The following MUC5AC variants were observed in gnomAD, a reference collection of about 807,000 sequenced individuals.
MUC5AC encodes mucin 5AC, oligomeric mucus/gel-forming.
Under a neutral mutation model 169.7 loss-of-function variants are expected in MUC5AC, and 158 were observed. The observed-to-expected ratio is 0.93, with a 90% CI of 0.82 to 1.06. The LOEUF (loss-of-function observed/expected upper bound fraction) is 1.06. Among genes scored for constraint, MUC5AC ranks in the 50% least tolerant of loss-of-function variants. The pLI, the probability that MUC5AC is intolerant of heterozygous loss-of-function variation, is 0.00. For missense variants in MUC5AC, 4,359 were observed against 3,089.9 expected (o/e 1.41, Z -9.74); for synonymous variants, 1,975 against 1,237.0 (o/e 1.60, Z -12.52).
intron 6 of MUC5AC, among the ~76,000 whole-genome samples, chr11:1,163,654 T>C: frequency 6.6e-6 from 1 of 152,130 alleles, no homozygotes; most frequent in East Asian, 1.9e-4. Context: ...ACCAACCTCC[T>C]GGGCTGTTTC....
chr11:1,159,719 GTGC>G (rs1860076579), intron 1 of MUC5AC, among the ~76,000 whole-genome samples: 1 of 139,496 alleles, frequency 7.2e-6, no homozygotes, highest in Admixed American at 7.1e-5. Flanking sequence ...GTGTGGGGCT[GTGC>G]GGGGCTGGGG....
chr11:1,172,850 C>T (rs1261264688), intron 16 of MUC5AC, among the ~76,000 whole-genome samples: 1 of 141,922 alleles, frequency 7.0e-6, no homozygotes, highest in East Asian at 2.3e-4. Flanking sequence ...ACCCACTCAT[C>T]CACCCATTCA....
intron 9 of MUC5AC, 137 bp downstream of exon 9, chr11:1,164,669 G>C (rs1223150719): frequency 7.8e-7 from 1 of 1,289,796 alleles, no homozygotes; most frequent in African/African-American, 1.5e-5. Flanking sequence ...CCCTGTCCTG[G>C]GCCGCTGAGG....
At chr11:1,198,462 C>T (rs570937135) in intron 43 of MUC5AC, among the ~76,000 whole-genome samples, 157 bp downstream of exon 43, 6 of 152,204 alleles carry the variant, frequency 3.9e-5, no homozygotes, top group East Asian at 3.9e-4. Flanking sequence ...GGCTGAGGCC[C>T]GAGGTCGGCC....
chr11:1,190,541 C>A lies in MUC5AC; in HGVS notation c.12396C>A (p.Ala4132=). The A allele has an allele frequency of 1.6e-6, 1 of 633,964 alleles. No individual in the cohort carries two copies. The highest frequency in any genetic ancestry group is 2.9e-6 in the Non-Finnish European group (1 of 343,718). The allele number at this position is 633,964 out of a possible 1,614,324, so 39.3% of individuals were successfully genotyped here. Residue 4132 remains alanine (A), a synonymous_variant, in exon 31 of 49, where the codon GCC becomes GCA. Coordinates refer to ENST00000621226, the MANE Select transcript of MUC5AC (RefSeq NM_001304359.2). ...CCCCTACAACCAGCACAACCTCTGC[C>A]CCTACAACCAGCACGACCTCAGCTC... ...TSAPTTSTTS[A]PTTSTTSAPT... is the part of the protein sequence containing the mutation.
intron 36 of MUC5AC, among the ~76,000 whole-genome samples, chr11:1,195,517 T>C (rs1269063042): frequency 1.3e-5 from 2 of 150,914 alleles, no homozygotes; most frequent in Non-Finnish European, 3.0e-5. Flanking sequence ...TGCCAAGGGG[T>C]CACCAGGGTT....
chr11:1,188,349 C>T lies in MUC5AC; in HGVS notation c.10204C>T (p.Pro3402Ser). Residue 3402 changes from proline (P) to serine (S), a missense_variant, in exon 31 of 49, where the codon CCA becomes TCA. Transcript: ENST00000621226. ...CCCTACAACCAGCACAACCTCCACT[C>T]CACAGACCAGCATATCCTCTGCCCC... ...SAPTTSTTST[P>S]QTSISSAPTS... 1 of 650,108 alleles carries T rather than the reference C, an allele frequency of 1.5e-6. No homozygotes were observed. The highest frequency in any genetic ancestry group is 2.1e-5 in the Admixed American group (1 of 47,670). The allele number at this position is 650,108 out of a possible 1,614,324, so 40.3% of individuals were successfully genotyped here. A position where few individuals can be genotyped will look rare whatever the true frequency, so the allele number is the denominator to read the frequency against.
chr11:1,165,299 C>A lies in MUC5AC; in HGVS notation c.1130-3C>A. On this transcript the variant is annotated splice_polypyrimidine_tract_variant and splice_region_variant and intron_variant, in intron 9 of 48. Coordinates refer to ENST00000621226, the MANE Select transcript of MUC5AC (RefSeq NM_001304359.2). ...CCGTCATAGGCCTGCCTGACCCCTG[C>A]AGGGACGGTGCTTGACGACATCGGC... is the stretch of plus-strand genomic sequence containing the variant. 6.2e-7 allele frequency: 1 copy of A among 1,610,930 alleles called. No homozygotes were observed. The highest frequency in any genetic ancestry group is 2.2e-5 in the East Asian group (1 of 44,864).
intron 9 of MUC5AC, 21 bp from the exon 10 acceptor site, chr11:1,165,281 A>T: frequency 6.2e-7 from 1 of 1,603,242 alleles, no homozygotes; most frequent in Non-Finnish European, 8.5e-7. Context: ...CGCCCGTCAT[A>T]GGCCTGCCTG....
At chr11:1,159,429 G>C (rs996919919) in intron 1 of MUC5AC, among the ~76,000 whole-genome samples, 4 of 149,514 alleles carry the variant, frequency 2.7e-5, no homozygotes, top group African/African-American at 9.9e-5. Context: ...GGCTGTGCGG[G>C]GTTGTGTGGG....
At chr11:1,178,392 TG>T in intron 24 of MUC5AC, 51 bp from the exon 25 acceptor site, 2 of 442,898 alleles carry the variant, frequency 4.5e-6, no homozygotes, top group Non-Finnish European at 7.6e-6. Context: ...AGGGTGGCTC[TG>T]GCCTTCTCGG....
chr11:1,161,464 G>C lies in MUC5AC; in HGVS notation c.152-63G>C, dbSNP rs548865416. On this transcript the variant is annotated intron_variant, in intron 2 of 48. Transcript: ENST00000621226. ...CTGCTGACTCTGGAACGTCTCCTCT[G>C]GCTGCGGAGCCCCCGCCCCACGTGG... The C allele has an allele frequency of 8.2e-5, 113 of 1,371,800 alleles. 1 individual carries two copies. The South Asian group carries it at 1.5e-3, about 18-fold the overall frequency. The allele number at this position is 1,371,800 out of a possible 1,614,324, so 85.0% of individuals were successfully genotyped here. A position where few individuals can be genotyped will look rare whatever the true frequency, so the allele number is the denominator to read the frequency against.
chr11:1,170,586 C>CACCT (rs1352279194), intron 15 of MUC5AC, among the ~76,000 whole-genome samples: 15 of 135,750 alleles, frequency 1.1e-4, no homozygotes, highest in Non-Finnish European at 1.3e-4. Flanking sequence ...CTCACCTACT[C>CACCT]ACTCACTCAC....
chr11:1,179,793 C>T (rs1055689757), intron 26 of MUC5AC, among the ~76,000 whole-genome samples: 3 of 151,914 alleles, frequency 2.0e-5, no homozygotes, highest in African/African-American at 2.4e-5. Context: ...GGAGCCTTGC[C>T]GGGAACGGGC....
rs1362651160 is a variant in MUC5AC, at chr11:1,189,539, C to T, written c.11394C>T (p.Ser3798=). 1.7e-6 allele frequency: 1 copy of T among 599,658 alleles called. No homozygotes were observed. Among genetic ancestry groups the T allele is most frequent in the Admixed American group, 2.9e-5 (1 of 34,232 alleles). The allele number at this position is 599,658 out of a possible 1,614,324, so 37.1% of individuals were successfully genotyped here. A position where few individuals can be genotyped will look rare whatever the true frequency, so the allele number is the denominator to read the frequency against. Residue 3798 remains serine, a synonymous_variant, in exon 31 of 49, where the codon AGC becomes AGT. Coordinates refer to ENST00000621226, the MANE Select transcript of MUC5AC (RefSeq NM_001304359.2). The part of the protein sequence containing the change: ...ITSTISAPTT[S]TTSTPQTSTI... ...GCACAATCTCTGCCCCTACAACCAG[C>T]ACAACCTCCACTCCACAGACCAGCA...
chr11:1,160,473 C>G, intron 1 of MUC5AC, 139 bp from the exon 2 acceptor site: 1 of 683,278 alleles, frequency 1.5e-6, no homozygotes. Flanking sequence ...CAACCCAGCA[C>G]AGAGAGAGCC....
intron 36 of MUC5AC, 78 bp from the exon 37 acceptor site, chr11:1,195,798 T>C: frequency 4.3e-6 from 3 of 703,440 alleles, no homozygotes; most frequent in South Asian, 1.5e-5. Flanking sequence ...GAGACTGCCC[T>C]GAAGCCTGGG....
At chr11:1,170,640 T>C (rs1364178382) in intron 15 of MUC5AC, among the ~76,000 whole-genome samples, 453 of 19,998 alleles carry the variant, frequency 0.023, no homozygotes, top group Middle Eastern at 0.036. Flanking sequence ...CACTCACCCA[T>C]TCACCCATTC....
intron 33 of MUC5AC, 125 bp from the exon 34 acceptor site, chr11:1,193,985 C>T: frequency 1.5e-6 from 1 of 661,748 alleles, no homozygotes; most frequent in Admixed American, 2.1e-5. Context: ...ACGTGAGGGT[C>T]TTGTGCGCCC....
Sources: gnomAD v4.1 joint callset for allele counts (sites outside exome capture counted in the v4.1 genomes callset) on GRCh38, gnomAD v4.1.1 for gene constraint, MANE v1.5 for transcripts, NCBI Gene and HGNC (gene_info 2026-07-23, HGNC 2026-07-21) for gene names.